Variants in ANKRD44 observed in about 807,000 individuals in gnomAD.
ANKRD44 encodes the protein ankyrin repeat domain 44.
In ANKRD44, 35 loss-of-function variants were observed where a neutral mutation model predicts 116.0. The ratio of observed to expected loss-of-function variants is 0.30; its 90% CI spans 0.23 to 0.40. ANKRD44 has a LOEUF of 0.40. ANKRD44 is among the 10% of genes least tolerant of loss of function. The probability of loss-of-function intolerance (pLI) is 1.00; values close to 1 mark genes in which losing one functional copy is unlikely to be tolerated. For synonymous variants in ANKRD44, 435 were observed against 461.8 expected, an observed-to-expected ratio of 0.94 and a Z score of 0.74; for missense variants, 1,014 against 1,242.6, an observed-to-expected ratio of 0.82 and a Z score of 2.77.
intron 1 of ANKRD44, among the ~76,000 whole-genome samples, chr2:197,253,637 C>T (rs567027820): frequency 6.6e-6 from 1 of 152,304 alleles, no homozygotes; most frequent in African/African-American, 2.4e-5. Flanking sequence ...GTAGACATCT[C>T]CATATGTCAA....
rs1432385957 is a variant in ANKRD44 at position 197,019,350 on chromosome 2, G to T, written c.1723-5638C>A. Among the ~76,000 whole-genome samples, 3 of 152,212 alleles carry T rather than the reference G, an allele frequency of 2.0e-5. No homozygotes were observed. The East Asian group carries it at 5.8e-4, about 29-fold the overall frequency. On this transcript the variant is annotated intron_variant, in intron 17 of 27. Transcript: ENST00000282272. ...TGTTATGCAAACCATAGCTGCACAG[G>T]ATAGTAAGTCTCTATTCTAACCTAA...
chr2:197,197,399 C>G (rs144096633), intron 1 of ANKRD44, among the ~76,000 whole-genome samples: 19 of 152,314 alleles, frequency 1.2e-4, no homozygotes, highest in African/African-American at 4.6e-4. Flanking sequence ...ACACACTACC[C>G]CCTCCAACAG....
chr2:197,033,666 C>CTT (rs59226408), intron 16 of ANKRD44, among the ~76,000 whole-genome samples: 6,685 of 144,108 alleles, frequency 0.046, 447 homozygotes, highest in African/African-American at 0.16. Flanking sequence ...GTTGTTGTTG[C>CTT]TTTTTTTTTT....
intron 21 of ANKRD44, among the ~76,000 whole-genome samples, chr2:197,002,885 C>G (rs2076137782): frequency 6.6e-6 from 1 of 152,120 alleles, no homozygotes; most frequent in Non-Finnish European, 1.5e-5. Context: ...TTATGATCTA[C>G]CTCAGAATGA....
intron 16 of ANKRD44, among the ~76,000 whole-genome samples, chr2:197,050,480 G>C (rs2077086546): frequency 6.6e-6 from 1 of 151,608 alleles, no homozygotes; most frequent in Non-Finnish European, 1.5e-5. Context: ...TGGAGTGCAG[G>C]GGTGTGATCT....
intron 1 of ANKRD44, among the ~76,000 whole-genome samples, chr2:197,230,799 C>T (rs1455536947): frequency 6.6e-6 from 1 of 152,114 alleles, no homozygotes; most frequent in African/African-American, 2.4e-5. Flanking sequence ...CTTCCAGTGG[C>T]TCTACCATCT....
intron 16 of ANKRD44, among the ~76,000 whole-genome samples, chr2:197,053,007 C>T (rs1016016124): frequency 6.6e-6 from 1 of 152,026 alleles, no homozygotes; most frequent in Admixed American, 6.6e-5. Context: ...CCCACCTCTA[C>T]TAAAAATACA....
intron 25 of ANKRD44, among the ~76,000 whole-genome samples, chr2:196,997,848 G>C (rs1369226545): frequency 6.6e-6 from 1 of 151,410 alleles, no homozygotes; most frequent in Non-Finnish European, 1.5e-5. Flanking sequence ...CTGTACACCA[G>C]AAAAAAGGGG....
At chr2:197,184,398 T>C (rs1041966813) in intron 2 of ANKRD44, among the ~76,000 whole-genome samples, 13 of 152,084 alleles carry the variant, frequency 8.5e-5, no homozygotes, top group Non-Finnish European at 1.8e-4. Flanking sequence ...TCTCAGCACT[T>C]TGGGAGGCCG....
intron 2 of ANKRD44, among the ~76,000 whole-genome samples, chr2:197,173,324 C>T (rs1011184233): frequency 1.3e-5 from 2 of 152,154 alleles, no homozygotes; most frequent in Non-Finnish European, 2.9e-5. Context: ...ATATTCAAAA[C>T]CCTTTCTAAA....
intron 1 of ANKRD44, among the ~76,000 whole-genome samples, chr2:197,252,944 C>G (rs1016572788): frequency 1.3e-5 from 2 of 152,110 alleles, no homozygotes; most frequent in Non-Finnish European, 2.9e-5. Context: ...TACCTGACTG[C>G]TTTAAAAGCT....
intron 25 of ANKRD44, among the ~76,000 whole-genome samples, chr2:196,997,959 G>A (rs2076043895): frequency 6.6e-6 from 1 of 152,140 alleles, no homozygotes; most frequent in South Asian, 2.1e-4. Flanking sequence ...ATGAAAACAA[G>A]TAAAACTGCT....
chr2:197,077,227 T>C (rs1256362162), intron 16 of ANKRD44, among the ~76,000 whole-genome samples: 1 of 152,234 alleles, frequency 6.6e-6, no homozygotes, highest in Non-Finnish European at 1.5e-5. Context: ...TACCTCATTA[T>C]GGTTTTGATT....
intron 1 of ANKRD44, among the ~76,000 whole-genome samples, chr2:197,269,068 G>C (rs1477153503): frequency 8.3e-6 from 1 of 120,370 alleles, no homozygotes; most frequent in Non-Finnish European, 1.8e-5. Flanking sequence ...GCTTTGGGGT[G>C]CTGGTAATGT....
intron 1 of ANKRD44, among the ~76,000 whole-genome samples, chr2:197,199,858 T>C (rs1201350785): frequency 1.3e-5 from 2 of 152,222 alleles, no homozygotes; most frequent in Non-Finnish European, 2.9e-5. Context: ...TACTATTCCA[T>C]TGTATGGATA....
At chr2:197,108,487 G>C (rs2078487055) in intron 9 of ANKRD44, among the ~76,000 whole-genome samples, 1 of 152,100 alleles carries the variant, frequency 6.6e-6, no homozygotes, top group Admixed American at 6.5e-5. Context: ...CTGAAACAAA[G>C]ATCCCCTGAC....
intron 10 of ANKRD44, among the ~76,000 whole-genome samples, chr2:197,093,109 C>G (rs926399165): frequency 6.7e-6 from 1 of 148,560 alleles, no homozygotes; most frequent in Admixed American, 6.7e-5. Context: ...AACACACACA[C>G]ACACACACAC....
intron 1 of ANKRD44, among the ~76,000 whole-genome samples, chr2:197,207,219 C>T (rs1385640679): frequency 3.3e-5 from 5 of 152,172 alleles, no homozygotes; most frequent in Non-Finnish European, 7.4e-5. Flanking sequence ...GGGAAGGGGG[C>T]AGGTGTCTGA....
intron 1 of ANKRD44, among the ~76,000 whole-genome samples, chr2:197,267,254 A>G (rs138164753): frequency 6.6e-6 from 1 of 152,316 alleles, no homozygotes; most frequent in African/African-American, 2.4e-5. Flanking sequence ...GGATGCTCTC[A>G]GTGTCTTTTA....
Sources: gnomAD v4.1 joint callset for allele counts (sites outside exome capture counted in the v4.1 genomes callset) on GRCh38, gnomAD v4.1.1 for gene constraint, MANE v1.5 for transcripts, NCBI Gene and HGNC (gene_info 2026-07-23, HGNC 2026-07-21) for gene names.